Variants in ARHGAP21 observed in about 807,000 individuals in gnomAD.
The protein encoded by ARHGAP21 is rho GTPase-activating protein 21.
In ARHGAP21, 38 loss-of-function variants were observed where a neutral mutation model predicts 164.6. The observed-to-expected ratio is 0.23, with a 90% CI of 0.18 to 0.30. ARHGAP21 has a LOEUF of 0.30. Ranked by LOEUF, ARHGAP21 falls within the 10% of genes least tolerant of loss-of-function variation. The probability of loss-of-function intolerance (pLI) is 1.00; values close to 1 mark genes in which losing one functional copy is unlikely to be tolerated. For missense variants in ARHGAP21, 1,822 were observed against 2,370.7 expected (o/e 0.77, Z 4.81); for synonymous variants, 766 against 857.9 (o/e 0.89, Z 1.87).
chr10:24,609,348 G>A (rs775459788), intron 9 of ARHGAP21, among the ~76,000 whole-genome samples: 50 of 152,108 alleles, frequency 3.3e-4, no homozygotes, highest in South Asian at 8.3e-4. Flanking sequence ...CTATATTTTG[G>A]AGAACATTTC....
At chr10:24,674,617 T>C (rs756128382) in intron 2 of ARHGAP21, among the ~76,000 whole-genome samples, 15 of 151,706 alleles carry the variant, frequency 9.9e-5, no homozygotes, top group Non-Finnish European at 1.5e-4. Flanking sequence ...GCCCAGGAGG[T>C]TGAAGCTACA....
chr10:24,686,723 G>A (rs1481324106), intron 2 of ARHGAP21, among the ~76,000 whole-genome samples: 1 of 152,190 alleles, frequency 6.6e-6, no homozygotes, highest in African/African-American at 2.4e-5. Flanking sequence ...ATGCACGCAA[G>A]CAGTTGTTAC....
intron 14 of ARHGAP21, among the ~76,000 whole-genome samples, chr10:24,599,199 A>G (rs968870029): frequency 6.6e-6 from 1 of 152,232 alleles, no homozygotes; most frequent in Admixed American, 6.5e-5. Flanking sequence ...GTCACAGAAC[A>G]AGTCATCTGA....
intron 2 of ARHGAP21, among the ~76,000 whole-genome samples, chr10:24,711,180 AAG>A (rs1233935975): frequency 6.6e-6 from 1 of 151,502 alleles, no homozygotes; most frequent in Non-Finnish European, 1.5e-5. Flanking sequence ...GAAAGAGAGA[AAG>A]AGAGAAAGAA....
At chr10:24,662,998 A>G (rs1193361206) in intron 4 of ARHGAP21, among the ~76,000 whole-genome samples, 1 of 149,764 alleles carries the variant, frequency 6.7e-6, no homozygotes, top group Non-Finnish European at 1.5e-5. Context: ...TATGGTATTC[A>G]TAGTAACACA....
At chr10:24,593,279 A>G (rs1243756785) in intron 21 of ARHGAP21, among the ~76,000 whole-genome samples, 2 of 152,200 alleles carry the variant, frequency 1.3e-5, no homozygotes, top group African/African-American at 4.8e-5. Context: ...ATGTGTGGGA[A>G]AGGTGTACTT....
In ARHGAP21 at chr10:24,596,005, A is replaced by G; in HGVS notation, c.3516T>C (p.Val1172=). 6.2e-7 allele frequency: 1 copy of G among 1,609,200 alleles called. No individual in the cohort carries two copies. Among genetic ancestry groups the G allele is most frequent in the African/African-American group, 1.3e-5 (1 of 74,896 alleles). Residue 1172 remains valine, a synonymous_variant, in exon 18 of 26, where the codon GTT becomes GTC. Coordinates refer to ENST00000396432, the MANE Select transcript of ARHGAP21 (RefSeq NM_020824.4). ...PLIVDICCKL[V]EERGLEYTGI... ...CTGTATATTCAAGACCTCTTTCTTC[A>G]ACTAATTTGCAACATATGTCAACTA...
Position 24,591,280 on chromosome 10 carries a change from T to C in ARHGAP21, c.4095A>G (p.Ile1365Met). Residue 1365 changes from isoleucine to methionine, a missense_variant, in exon 24 of 26, where the codon ATA becomes ATG. This residue lies in a region of ARHGAP21 where 333 missense variants were observed against 383.9 expected (regional missense o/e 0.87). Transcript: ENST00000396432. ...TTCCAATGTTGGTGAGTAAATGATC[T>C]ATGTTTGGCACTGGCTGGGAGTCTA... ...STVDSQPVPN[I>M]DHLLTNIGRT... The C allele has an allele frequency of 6.2e-7, 1 of 1,613,022 alleles. No homozygotes were observed. Among genetic ancestry groups the C allele is most frequent in the Non-Finnish European group, 8.5e-7 (1 of 1,179,998 alleles).
At chr10:24,609,409 G>C (rs1032834770) in intron 9 of ARHGAP21, among the ~76,000 whole-genome samples, 8 of 152,162 alleles carry the variant, frequency 5.3e-5, no homozygotes, top group African/African-American at 1.9e-4. Flanking sequence ...TGCAAAAACA[G>C]GTGGGAGGAT....
chr10:24,669,581 G>T (rs1840504672), intron 3 of ARHGAP21, among the ~76,000 whole-genome samples: 1 of 152,118 alleles, frequency 6.6e-6, no homozygotes, highest in Admixed American at 6.5e-5. Flanking sequence ...TGTTATATGG[G>T]GCTAATAATA....
chr10:24,711,238 A>G (rs1844788137), intron 2 of ARHGAP21, among the ~76,000 whole-genome samples: 1 of 152,120 alleles, frequency 6.6e-6, no homozygotes, highest in Admixed American at 6.5e-5. Flanking sequence ...TGCATATCTA[A>G]CAACTGATAC....
intron 2 of ARHGAP21, among the ~76,000 whole-genome samples, chr10:24,683,284 T>G (rs1841943167): frequency 6.6e-6 from 1 of 152,190 alleles, no homozygotes; most frequent in Admixed American, 6.5e-5. Flanking sequence ...ATAATACTTT[T>G]CATATAGCTG....
chr10:24,663,620 C>T lies in ARHGAP21; in HGVS notation c.268+3365G>A, dbSNP rs549167778. Among the ~76,000 whole-genome samples the T allele has an allele frequency of 6.6e-5, 10 of 152,292 alleles. No individual in the cohort carries two copies. In the South Asian group the frequency reaches 2.1e-3, roughly 32 times the overall value. ...CTTGGCTCACTGCAACCTCCGCCTCCCAGGTTCAAGCGATTCTCCTGCTTC... is the reference window on the plus strand; with the variant it reads ...CTTGGCTCACTGCAACCTCCGCCTCTCAGGTTCAAGCGATTCTCCTGCTTC... On this transcript the variant is annotated intron_variant, in intron 4 of 25. Transcript: ENST00000396432.
intron 7 of ARHGAP21, among the ~76,000 whole-genome samples, chr10:24,626,256 T>C (rs1335851090): frequency 6.6e-6 from 1 of 152,174 alleles, no homozygotes; most frequent in Non-Finnish European, 1.5e-5. Context: ...CCTACCACTA[T>C]CTCACTCAGG....
chr10:24,645,992 C>T (rs150074418), intron 4 of ARHGAP21, among the ~76,000 whole-genome samples: 17 of 152,312 alleles, frequency 1.1e-4, no homozygotes, highest in African/African-American at 4.1e-4. Flanking sequence ...TTAGAGGCCA[C>T]ATCACTTCCT....
chr10:24,646,228 G>C (rs937908761), intron 4 of ARHGAP21, among the ~76,000 whole-genome samples: 3 of 151,988 alleles, frequency 2.0e-5, no homozygotes, highest in Non-Finnish European at 4.4e-5. Flanking sequence ...TATGAATCAC[G>C]TACTTTCAAT....
chr10:24,604,360 A>G lies in ARHGAP21; in HGVS notation c.2685-12T>C. The stretch of plus-strand genomic sequence containing the variant: ...CGTGCTTAAAGGACCTGTTGGGGAA[A>G]AAATATATAAATATTTTCAATTAGT... On this transcript the variant is annotated splice_polypyrimidine_tract_variant and intron_variant, in intron 11 of 25. Coordinates refer to ENST00000396432, the MANE Select transcript of ARHGAP21 (RefSeq NM_020824.4). 1 of 1,577,548 alleles carries G rather than the reference A, an allele frequency of 6.3e-7. No individual in the cohort carries two copies. Among genetic ancestry groups the G allele is most frequent in the East Asian group, 2.3e-5 (1 of 44,084 alleles).
chr10:24,627,319 A>G (rs1224862286), intron 7 of ARHGAP21, among the ~76,000 whole-genome samples: 1 of 152,226 alleles, frequency 6.6e-6, no homozygotes, highest in African/African-American at 2.4e-5. Flanking sequence ...TTAAAAGCAT[A>G]TATTTTGAAT....
At chr10:24,668,733 T>A (rs1840424237) in intron 3 of ARHGAP21, among the ~76,000 whole-genome samples, 1 of 152,130 alleles carries the variant, frequency 6.6e-6, no homozygotes, top group African/African-American at 2.4e-5. Context: ...CACATAAAGT[T>A]GCAGTTTCCA....
Sources: gnomAD v4.1 joint callset for allele counts (sites outside exome capture counted in the v4.1 genomes callset) on GRCh38, gnomAD v4.1.1 for gene constraint, gnomAD v4.1.1 regional missense constraint, MANE v1.5 for transcripts, NCBI Gene and HGNC (gene_info 2026-07-23, HGNC 2026-07-21) for gene names.